The following DLGAP4 variants were observed in gnomAD, a reference collection of about 807,000 sequenced individuals.
The protein encoded by DLGAP4 is DLG associated protein 4.
In DLGAP4, 18 loss-of-function variants were observed where a neutral mutation model predicts 86.9. The ratio of observed to expected loss-of-function variants is 0.21; its 90% CI spans 0.14 to 0.31. The LOEUF (loss-of-function observed/expected upper bound fraction) is 0.31, where lower values mean the gene tolerates loss of function less well. Among genes scored for constraint, DLGAP4 ranks in the 10% least tolerant of loss-of-function variants. The pLI, the probability that DLGAP4 is intolerant of heterozygous loss-of-function variation, is 1.00. For missense variants in DLGAP4, 1,085 were observed against 1,362.6 expected (o/e 0.80, Z 3.21); for synonymous variants, 548 against 574.3 (o/e 0.95, Z 0.65).
chr20:36,321,377 GC>G (rs1443369684), intron 1 of DLGAP4, among the ~76,000 whole-genome samples: 7 of 152,270 alleles, frequency 4.6e-5, no homozygotes, highest in Admixed American at 4.6e-4. Context: ...GGCCTCGGCT[GC>G]CCCATGGGCC....
At chr20:36,514,594 T>C (rs983688697) in intron 10 of DLGAP4, among the ~76,000 whole-genome samples, 18 of 152,062 alleles carry the variant, frequency 1.2e-4, no homozygotes, top group Admixed American at 5.9e-4. Context: ...ATTTCTTTTT[T>C]ATAGAGATGC....
At chr20:36,515,197 A>T (rs1236357021) in intron 10 of DLGAP4, among the ~76,000 whole-genome samples, 1 of 152,182 alleles carries the variant, frequency 6.6e-6, no homozygotes, top group Non-Finnish European at 1.5e-5. Flanking sequence ...CTCCTTAAAA[A>T]ACTTTTGTTT....
chr20:36,332,674 G>A (rs934314253), intron 1 of DLGAP4, among the ~76,000 whole-genome samples: 2 of 152,160 alleles, frequency 1.3e-5, no homozygotes, highest in African/African-American at 2.4e-5. Flanking sequence ...TGCATCATCT[G>A]TCCCGGCAGC....
intron 7 of DLGAP4, among the ~76,000 whole-genome samples, chr20:36,455,796 C>T (rs560795402): frequency 5.3e-5 from 8 of 152,278 alleles, no homozygotes; most frequent in Middle Eastern, 3.4e-3. Context: ...ACCACACACT[C>T]TGTATACAGG....
At chr20:36,516,396 GT>G (rs2037038204) in intron 10 of DLGAP4, among the ~76,000 whole-genome samples, 1 of 152,168 alleles carries the variant, frequency 6.6e-6, no homozygotes, top group Admixed American at 6.5e-5. Context: ...GCTGGGCACG[GT>G]GGCTCATGCC....
chr20:36,496,674 T>G (rs1301799844), intron 7 of DLGAP4, 31 bp from the exon 8 acceptor site: 1 of 1,575,604 alleles, frequency 6.3e-7, no homozygotes, highest in Admixed American at 1.7e-5. Context: ...CCATCTCACC[T>G]CTCCCCTGCC....
chr20:36,336,002 C>T (rs1332406997), intron 1 of DLGAP4, among the ~76,000 whole-genome samples: 1 of 152,180 alleles, frequency 6.6e-6, no homozygotes, highest in East Asian at 1.9e-4. Context: ...CTAAGCGCTG[C>T]TCCCACCCTG....
chr20:36,460,501 A>C, intron 7 of DLGAP4, among the ~76,000 whole-genome samples: 1 of 152,252 alleles, frequency 6.6e-6, no homozygotes, highest in East Asian at 1.9e-4. Context: ...AGTGCTCAAA[A>C]TATTTTGATA....
At chr20:36,309,934 G>A (rs2065037631) in intron 1 of DLGAP4, among the ~76,000 whole-genome samples, 1 of 152,232 alleles carries the variant, frequency 6.6e-6, no homozygotes, top group South Asian at 2.1e-4. Flanking sequence ...GACTGGTGCT[G>A]TCCAACCACT....
intron 7 of DLGAP4, among the ~76,000 whole-genome samples, chr20:36,478,723 G>A (rs950414742): frequency 2.0e-5 from 3 of 152,190 alleles, no homozygotes; most frequent in Non-Finnish European, 4.4e-5. Context: ...TGGATCCTGT[G>A]AAGGTTGCAT....
chr20:36,491,441 G>C (rs1487022676), intron 7 of DLGAP4, among the ~76,000 whole-genome samples: 11 of 152,106 alleles, frequency 7.2e-5, no homozygotes, highest in Non-Finnish European at 1.5e-4. Context: ...GGCTGAGAGG[G>C]GGTCAGGAGA....
intron 1 of DLGAP4, among the ~76,000 whole-genome samples, chr20:36,318,284 A>G (rs1164124411): frequency 4.6e-5 from 7 of 152,092 alleles, no homozygotes; most frequent in African/African-American, 1.7e-4. Flanking sequence ...TCTCTCCAAC[A>G]TGCCCTGGGG....
chr20:36,462,566 C>T lies in DLGAP4; in HGVS notation c.1648+15629C>T, dbSNP rs756341055. 10 of 1,601,960 alleles carry T rather than the reference C, an allele frequency of 6.2e-6. No homozygotes were observed. In the Admixed American group the frequency reaches 1.5e-4, roughly 25 times the overall value. On this transcript the variant is annotated intron_variant, in intron 7 of 12. Transcript: ENST00000339266. ...CTGGGTCTCTGACCCCCATCCGGCC[C>T]TCATGGCTTTGTGTCTGGAGCTCTT... is the stretch of plus-strand genomic sequence containing the variant.
intron 2 of DLGAP4, among the ~76,000 whole-genome samples, chr20:36,423,976 G>T (rs750100692): frequency 1.3e-5 from 2 of 151,826 alleles, no homozygotes; most frequent in African/African-American, 4.8e-5. Flanking sequence ...AACCGAAAAC[G>T]GATCATTATC....
At chr20:36,373,036 C>T (rs972383190) in intron 2 of DLGAP4, among the ~76,000 whole-genome samples, 2 of 151,876 alleles carry the variant, frequency 1.3e-5, no homozygotes, top group Admixed American at 6.6e-5. Context: ...TAAACATATG[C>T]GTGCTCCTGC....
Position 36,500,109 on chromosome 20 carries a change from C to A in DLGAP4, c.2100-90C>A. ...ATGATGCATCCGTTTCTCTGTCTCC[C>A]GTGTGTCCGGGTCAAGGCGGCCTCT... On this transcript the variant is annotated intron_variant, in intron 9 of 12. Coordinates refer to ENST00000339266, the MANE Select transcript of DLGAP4 (RefSeq NM_001365621.2). This position sits in a 1 kb window ranked among gnomAD's most constrained non-coding sequence, Gnocchi z 4.6. 1.4e-6 allele frequency: 2 copies of A among 1,390,318 alleles called. No homozygotes were observed. Among genetic ancestry groups the A allele is most frequent in the Non-Finnish European group, 1.9e-6 (2 of 1,025,836 alleles). The allele number at this position is 1,390,318 out of a possible 1,614,324, so 86.1% of individuals were successfully genotyped here.
intron 7 of DLGAP4, among the ~76,000 whole-genome samples, chr20:36,491,454 C>T (rs1207253622): frequency 6.6e-6 from 1 of 152,048 alleles, no homozygotes; most frequent in African/African-American, 2.4e-5. Flanking sequence ...TCAGGAGAAG[C>T]AAGCATGCAG....
chr20:36,317,294 T>TTC (rs2065116907), intron 1 of DLGAP4, among the ~76,000 whole-genome samples: 1 of 48,032 alleles, frequency 2.1e-5, no homozygotes, highest in Non-Finnish European at 4.0e-5. Flanking sequence ...CTTTCTTTCT[T>TTC]ATCTTTCTTT....
At chr20:36,446,231 AC>A (rs1453936758) in intron 6 of DLGAP4, among the ~76,000 whole-genome samples, 1 of 152,102 alleles carries the variant, frequency 6.6e-6, no homozygotes, top group Non-Finnish European at 1.5e-5. Flanking sequence ...CTCACTGGGT[AC>A]CCATGGCAAG....
Sources: allele counts gnomAD v4.1 joint callset (sites outside exome capture counted in the v4.1 genomes callset), GRCh38; gene constraint gnomAD v4.1.1; non-coding constraint Gnocchi (gnomAD v3.1); transcripts MANE v1.5; gene names NCBI Gene and HGNC (gene_info 2026-07-23, HGNC 2026-07-21).